Variants in FGD4 observed in about 807,000 individuals in gnomAD.
FGD4 encodes the protein FYVE, RhoGEF and PH domain containing 4.
In FGD4, 42 loss-of-function variants were observed where a neutral mutation model predicts 102.0. That is an observed-to-expected ratio of 0.41 (90% CI 0.32 to 0.53). The LOEUF (loss-of-function observed/expected upper bound fraction) is 0.53, where lower values mean the gene tolerates loss of function less well. FGD4 is among the 20% of genes least tolerant of loss of function. FGD4 has a pLI of 0.21. For missense variants in FGD4, 902 were observed against 1,078.2 expected (o/e 0.84, Z 2.29); for synonymous variants, 380 against 375.7 (o/e 1.01, Z -0.13).
chr12:32,406,222 G>A (rs939978790), intron 1 of FGD4, among the ~76,000 whole-genome samples: 24 of 152,060 alleles, frequency 1.6e-4, no homozygotes, highest in Non-Finnish European at 2.8e-4. Flanking sequence ...GATTACAGGC[G>A]TGAGCCACTG....
At chr12:32,567,312 T>A (rs1348635603) in intron 2 of FGD4, among the ~76,000 whole-genome samples, 1 of 152,212 alleles carries the variant, frequency 6.6e-6, no homozygotes, top group Non-Finnish European at 1.5e-5. Context: ...CAGCCCCGGA[T>A]AGTTGCTACC....
chr12:32,402,629 C>T (rs941165392), intron 1 of FGD4, among the ~76,000 whole-genome samples: 1 of 151,322 alleles, frequency 6.6e-6, no homozygotes, highest in Non-Finnish European at 1.5e-5. Flanking sequence ...TCAAAGAAAA[C>T]CCAGAGCAGT....
intron 10 of FGD4, among the ~76,000 whole-genome samples, chr12:32,611,932 G>C (rs1949164856): frequency 6.6e-6 from 1 of 152,224 alleles, no homozygotes; most frequent in South Asian, 2.1e-4. Flanking sequence ...TGCAGGCTCA[G>C]AAATGCCTGC....
intron 16 of FGD4, among the ~76,000 whole-genome samples, chr12:32,639,289 G>A (rs1370913368): frequency 6.6e-6 from 1 of 151,800 alleles, no homozygotes; most frequent in African/African-American, 2.4e-5. Flanking sequence ...TCAGCCTCCC[G>A]AGTAGCTGGG....
At chr12:32,472,064 G>A (rs1943428413) in intron 1 of FGD4, among the ~76,000 whole-genome samples, 1 of 152,176 alleles carries the variant, frequency 6.6e-6, no homozygotes, top group African/African-American at 2.4e-5. Context: ...AGCTTGACAG[G>A]TCTAGGATCT....
In FGD4 at chr12:32,497,270, C is replaced by A. The variant is rs1347347722; in HGVS notation, c.167-66867C>A. On this transcript the variant is annotated intron_variant, in intron 1 of 16. Transcript: ENST00000534526. ...CCCTTGCAAACTGGGCAGAAAAGTT[C>A]AATTTATTAATATTTCAATGCATTT... Among the ~76,000 whole-genome samples, 3 of 151,928 alleles carry A rather than the reference C, an allele frequency of 2.0e-5. No homozygotes were observed. The South Asian group carries it at 6.2e-4, about 32-fold the overall frequency.
At chr12:32,625,155 T>G in intron 13 of FGD4, 87 bp downstream of exon 13, 1 of 1,184,272 alleles carries the variant, frequency 8.4e-7, no homozygotes, top group African/African-American at 1.5e-5. Context: ...TCTCCAACCT[T>G]TTCCCTTTAC....
At chr12:32,563,218 G>C (rs954757762) in intron 1 of FGD4, among the ~76,000 whole-genome samples, 5 of 151,780 alleles carry the variant, frequency 3.3e-5, no homozygotes, top group Non-Finnish European at 7.4e-5. Context: ...GTGGCTGCCG[G>C]GCAGAGGGGC....
At chr12:32,621,479 T>C (rs1378617600) in intron 11 of FGD4, among the ~76,000 whole-genome samples, 1 of 152,178 alleles carries the variant, frequency 6.6e-6, no homozygotes, top group Non-Finnish European at 1.5e-5. Context: ...TTAGCTTATG[T>C]TTCTGGCTGC....
Position 32,598,514 on chromosome 12 carries a change from A to G in FGD4, c.1029A>G (p.Lys343=). The G allele has an allele frequency of 6.2e-7, 1 of 1,613,376 alleles. No homozygotes were observed. Among genetic ancestry groups the G allele is most frequent in the Non-Finnish European group, 8.5e-7 (1 of 1,179,728 alleles). ...HHEMKETNEQ[K]LHKIANELLL... ...ATTTTTAGGAGACTAATGAGCAAAA[A>G]CTTCACAAAATAGCCAATGAACTTT... is the stretch of plus-strand genomic sequence containing the variant. Residue 343 remains lysine, a synonymous_variant, in exon 5 of 17, where the codon AAA becomes AAG. Transcript: ENST00000534526.
intron 1 of FGD4, among the ~76,000 whole-genome samples, chr12:32,445,062 G>A (rs1332224948): frequency 6.6e-6 from 1 of 152,152 alleles, no homozygotes; most frequent in Non-Finnish European, 1.5e-5. Context: ...GGAGACTTTT[G>A]GGTGTGTGCC....
At chr12:32,474,130 G>A (rs1277185678) in intron 1 of FGD4, among the ~76,000 whole-genome samples, 1 of 151,896 alleles carries the variant, frequency 6.6e-6, no homozygotes, top group East Asian at 1.9e-4. Flanking sequence ...GGAGAAATCA[G>A]AGCCCTGACA....
intron 1 of FGD4, among the ~76,000 whole-genome samples, chr12:32,536,224 AATG>A (rs1240337566): frequency 1.3e-5 from 2 of 152,226 alleles, no homozygotes; most frequent in East Asian, 3.8e-4. Context: ...TCTTTGGAAG[AATG>A]ATAACTTGGT....
At chr12:32,543,285 G>A (rs73303601) in intron 1 of FGD4, among the ~76,000 whole-genome samples, 4 of 152,128 alleles carry the variant, frequency 2.6e-5, no homozygotes, top group Non-Finnish European at 5.9e-5. Context: ...TGTCCCATGG[G>A]GTTAGGGTAG....
chr12:32,473,353 A>G lies in FGD4; in HGVS notation c.166+73394A>G, dbSNP rs529455394. Among the ~76,000 whole-genome samples, 6 of 120,076 alleles carry G rather than the reference A, an allele frequency of 5.0e-5. No individual in the cohort carries two copies. In the South Asian group the frequency reaches 1.6e-3, roughly 32 times the overall value. The allele number at this position is 120,076 out of a possible 152,430, so 78.8% of individuals were successfully genotyped here. On this transcript the variant is annotated intron_variant, in intron 1 of 16. Coordinates refer to ENST00000534526, the MANE Select transcript of FGD4 (RefSeq NM_001370298.3). ...CCATGCTGCTTTTATGAGCTGTAAC[A>G]CTCACCGCGAAGATCTGCAGCTTCA...
intron 1 of FGD4, among the ~76,000 whole-genome samples, chr12:32,535,639 TAA>T (rs11335178): frequency 1.8e-3 from 271 of 148,354 alleles, no homozygotes; most frequent in Middle Eastern, 3.5e-3. Context: ...AATATGAAAT[TAA>T]AAAAAAAAAA....
At chr12:32,520,196 T>C (rs1467405855) in intron 1 of FGD4, among the ~76,000 whole-genome samples, 1 of 152,112 alleles carries the variant, frequency 6.6e-6, no homozygotes, top group Non-Finnish European at 1.5e-5. Context: ...TGAAACTAAG[T>C]ATGGAAGTAA....
At chr12:32,627,138 C>A (rs187361845) in intron 14 of FGD4, among the ~76,000 whole-genome samples, 1 of 148,892 alleles carries the variant, frequency 6.7e-6, no homozygotes, top group Admixed American at 6.8e-5. Flanking sequence ...TGAGCCACCA[C>A]GTCCGGCTAA....
intron 1 of FGD4, among the ~76,000 whole-genome samples, chr12:32,457,950 GTTTTC>G (rs754386927): frequency 2.5e-4 from 38 of 150,082 alleles, no homozygotes; most frequent in African/African-American, 3.4e-4. Flanking sequence ...TGACAGGATT[GTTTTC>G]TTTTAATTAG....
Sources: allele counts gnomAD v4.1 joint callset (sites outside exome capture counted in the v4.1 genomes callset), GRCh38; gene constraint gnomAD v4.1.1; transcripts MANE v1.5; gene names NCBI Gene and HGNC (gene_info 2026-07-23, HGNC 2026-07-21).